PITPNC1: variants seen among roughly 807,000 people sequenced by gnomAD.
The protein encoded by PITPNC1 is cytoplasmic phosphatidylinositol transfer protein 1.
PITPNC1 carries 18 observed loss-of-function variants against 44.7 expected under a neutral mutation model. That is an observed-to-expected ratio of 0.40 (90% CI 0.28 to 0.60). The LOEUF is 0.60. Ranked by LOEUF, PITPNC1 falls within the 20% of genes least tolerant of loss-of-function variation. The probability of loss-of-function intolerance (pLI) is 0.39; values close to 1 mark genes in which losing one functional copy is unlikely to be tolerated. For missense variants in PITPNC1, 290 were observed against 418.4 expected (o/e 0.69, Z 2.68); for synonymous variants, 141 against 149.6 (o/e 0.94, Z 0.42).
chr17:67,671,729 G>C (rs2042515952), intron 7 of PITPNC1, among the ~76,000 whole-genome samples: 1 of 152,138 alleles, frequency 6.6e-6, no homozygotes, highest in Non-Finnish European at 1.5e-5. Flanking sequence ...TAGAAATCAA[G>C]CTCCAGGATC....
chr17:67,450,867 C>T (rs779890899), intron 1 of PITPNC1, among the ~76,000 whole-genome samples: 1 of 152,170 alleles, frequency 6.6e-6, no homozygotes, highest in Non-Finnish European at 1.5e-5. Context: ...CCCAATGTCC[C>T]CTTCCCCCAC....
chr17:67,454,372 A>G (rs564176391), intron 1 of PITPNC1, among the ~76,000 whole-genome samples: 1 of 152,170 alleles, frequency 6.6e-6, no homozygotes, highest in South Asian at 2.1e-4. Flanking sequence ...CCCATCTAAA[A>G]GCTTTGGTTT....
chr17:67,420,796 G>A (rs978351821), intron 1 of PITPNC1, among the ~76,000 whole-genome samples: 1 of 151,898 alleles, frequency 6.6e-6, no homozygotes, highest in Admixed American at 6.6e-5. Flanking sequence ...ATATTTTCTC[G>A]TTGTAGAAGC....
intron 1 of PITPNC1, among the ~76,000 whole-genome samples, chr17:67,491,137 C>T (rs914328608): frequency 6.6e-5 from 10 of 152,338 alleles, no homozygotes; most frequent in East Asian, 3.9e-4. Context: ...TCCTCACAGT[C>T]GGCTCAGCCT....
At chr17:67,432,120 G>T (rs1567987417) in intron 1 of PITPNC1, among the ~76,000 whole-genome samples, 1 of 152,206 alleles carries the variant, frequency 6.6e-6, no homozygotes, top group Non-Finnish European at 1.5e-5. Flanking sequence ...AGCGTGCTAT[G>T]TTTTAGAACA....
At chr17:67,535,335 C>T (rs529635284) in intron 2 of PITPNC1, among the ~76,000 whole-genome samples, 2 of 152,282 alleles carry the variant, frequency 1.3e-5, no homozygotes, top group Admixed American at 6.5e-5. Flanking sequence ...AGTTTCTCCT[C>T]GGGGATCACC....
intron 1 of PITPNC1, among the ~76,000 whole-genome samples, chr17:67,383,433 G>T (rs904041960): frequency 1.3e-5 from 2 of 152,188 alleles, no homozygotes; most frequent in East Asian, 3.9e-4. Flanking sequence ...TGTAAAGCAG[G>T]TACACTGGCT....
chr17:67,605,758 G>T (rs555575630), intron 5 of PITPNC1, among the ~76,000 whole-genome samples: 2 of 152,158 alleles, frequency 1.3e-5, no homozygotes, highest in Non-Finnish European at 2.9e-5. Context: ...CACCTGCGCC[G>T]TTATCAGGAC....
At chr17:67,425,193 G>GCGCGCGCGCGCGCGCGCACACACA (rs1160522771) in intron 1 of PITPNC1, among the ~76,000 whole-genome samples, 2 of 52,118 alleles carry the variant, frequency 3.8e-5, no homozygotes, top group African/African-American at 1.0e-4. Context: ...TTGTGCGCGC[G>GCGCGCGCGCGCGCGCGCACACACA]CACGCACACG....
intron 1 of PITPNC1, among the ~76,000 whole-genome samples, chr17:67,384,817 G>C (rs771534984): frequency 6.6e-5 from 10 of 152,186 alleles, no homozygotes; most frequent in South Asian, 2.1e-4. Flanking sequence ...GTTTGCTGCT[G>C]GCGTCAATAC....
intron 4 of PITPNC1, among the ~76,000 whole-genome samples, chr17:67,555,424 A>C (rs756832889): frequency 6.6e-6 from 1 of 152,160 alleles, no homozygotes; most frequent in Non-Finnish European, 1.5e-5. Flanking sequence ...CCAACGCTAA[A>C]TATAAAGCTG....
In PITPNC1 at chr17:67,597,326, G is replaced by A. The variant is rs1456179080; in HGVS notation, c.366+19069G>A. Among the ~76,000 whole-genome samples the A allele has an allele frequency of 6.6e-6, 1 of 152,132 alleles. No individual in the cohort carries two copies. The highest frequency in any genetic ancestry group is 2.4e-5 in the African/African-American group (1 of 41,412). ...CCCCGCACTTTGGGAGGCCAAAGTG[G>A]GTATCTTACTTGAAGTCAGGAATTC... On this transcript the variant is annotated intron_variant, in intron 5 of 8. Transcript: ENST00000581322. The surrounding 1 kb of genome is among the most constrained non-coding windows in gnomAD (Gnocchi z 4.0).
intron 1 of PITPNC1, among the ~76,000 whole-genome samples, chr17:67,506,430 C>T (rs1277826810): frequency 2.6e-5 from 4 of 152,050 alleles, no homozygotes; most frequent in African/African-American, 9.7e-5. Flanking sequence ...AGGAATGGCC[C>T]TCATGGGGTG....
intron 1 of PITPNC1, among the ~76,000 whole-genome samples, chr17:67,419,143 A>G (rs1174602065): frequency 1.3e-5 from 2 of 150,388 alleles, no homozygotes; most frequent in East Asian, 3.9e-4. Context: ...TATAAGTAAA[A>G]GCATGCTTGG....
chr17:67,575,819 T>TTTCTTTCC (rs1555669446), intron 4 of PITPNC1, among the ~76,000 whole-genome samples: 3 of 108,534 alleles, frequency 2.8e-5, no homozygotes, highest in East Asian at 2.9e-4. Context: ...TCTTTCTTTC[T>TTTCTTTCC]TTCCTTCCTT....
At position 67,386,034 on chromosome 17, in the gene PITPNC1, A is replaced by G. The variant is rs893325802; in HGVS notation, c.48+7832A>G. On this transcript the variant is annotated intron_variant, in intron 1 of 8. Transcript: ENST00000581322. ...CTTTTTCTTATTGTGATATGGAGGA[A>G]GTTCCTAAGGCTCTTGAAAGTCAAT... Among the ~76,000 whole-genome samples the G allele has an allele frequency of 6.6e-5, 10 of 152,262 alleles. No individual in the cohort carries two copies. In the East Asian group the frequency reaches 1.9e-3, roughly 29 times the overall value.
chr17:67,397,886 A>G lies in PITPNC1; in HGVS notation c.48+19684A>G, dbSNP rs977574479. 6.9e-4 allele frequency among the ~76,000 whole-genome samples: 105 copies of G among 152,212 alleles called. 2 individuals are homozygous for G. The highest frequency in any genetic ancestry group is 1.3e-3 in the Non-Finnish European group (90 of 68,006). On this transcript the variant is annotated intron_variant, in intron 1 of 8. Coordinates refer to ENST00000581322, the MANE Select transcript of PITPNC1 (RefSeq NM_012417.4). ...AGGCGGGCCGATCACGAGGTCAGGA[A>G]ATCGAGACTATCCTGGCTCACATGG... is the stretch of plus-strand genomic sequence containing the variant.
At chr17:67,512,515 A>C (rs948296836) in intron 1 of PITPNC1, among the ~76,000 whole-genome samples, 1 of 151,524 alleles carries the variant, frequency 6.6e-6, no homozygotes, top group Non-Finnish European at 1.5e-5. Context: ...AAAAAAAAAA[A>C]AAAAAAAACA....
intron 1 of PITPNC1, among the ~76,000 whole-genome samples, chr17:67,455,434 A>T (rs1157689001): frequency 1.3e-5 from 2 of 151,864 alleles, no homozygotes; most frequent in East Asian, 3.9e-4. Context: ...CTACATTTTT[A>T]TTTATTTATT....
Sources: allele counts gnomAD v4.1 joint callset (sites outside exome capture counted in the v4.1 genomes callset), GRCh38; gene constraint gnomAD v4.1.1; non-coding constraint Gnocchi (gnomAD v3.1); transcripts MANE v1.5; gene names NCBI Gene and HGNC (gene_info 2026-07-23, HGNC 2026-07-21).